The following DCLK1 variants were observed in gnomAD, a reference collection of about 807,000 sequenced individuals.
DCLK1 encodes the protein serine/threonine-protein kinase DCLK1.
Under a neutral mutation model 86.2 loss-of-function variants are expected in DCLK1, and 16 were observed. That is an observed-to-expected ratio of 0.19 (90% CI 0.13 to 0.28). The LOEUF is 0.28. Among genes scored for constraint, DCLK1 ranks in the 10% least tolerant of loss-of-function variants. DCLK1 has a pLI of 1.00. For missense variants in DCLK1, 590 were observed against 940.2 expected, an observed-to-expected ratio of 0.63 and a Z score of 4.87; for synonymous variants, 369 against 370.5, an observed-to-expected ratio of 1.00 and a Z score of 0.05.
At chr13:35,893,218 G>A (rs999077842) in intron 4 of DCLK1, among the ~76,000 whole-genome samples, 5 of 152,276 alleles carry the variant, frequency 3.3e-5, no homozygotes, top group African/African-American at 9.6e-5. Flanking sequence ...AGGTGAAGGG[G>A]CAAGCAGCTT....
In DCLK1 at chr13:36,107,335, A is replaced by ATTT. The variant is rs10670428; in HGVS notation, c.723+4531_723+4533dup. On this transcript the variant is annotated intron_variant, in intron 3 of 16. Coordinates refer to ENST00000360631, the MANE Select transcript of DCLK1 (RefSeq NM_001330071.2). ...CACTCTAGCATGCTAGCAGTGGTAG[A>ATTT]TTTTTTTTTTTTTTTTTTTTTTTTT... 3.4e-4 allele frequency among the ~76,000 whole-genome samples: 37 copies of ATTT among 110,306 alleles called. 2 individuals are homozygous for ATTT. The highest frequency in any genetic ancestry group is 1.1e-3 in the African/African-American group (29 of 27,372). The allele number at this position is 110,306 out of a possible 152,430, so 72.4% of individuals were successfully genotyped here. A position where few individuals can be genotyped will look rare whatever the true frequency, so the allele number is the denominator to read the frequency against.
intron 11 of DCLK1, among the ~76,000 whole-genome samples, chr13:35,815,248 T>C (rs986969773): frequency 1.3e-5 from 2 of 152,192 alleles, no homozygotes; most frequent in Non-Finnish European, 2.9e-5. Context: ...TGAGACCATT[T>C]GGAAAAATTA....
At chr13:36,084,929 T>C (rs1884541649) in intron 3 of DCLK1, among the ~76,000 whole-genome samples, 1 of 152,192 alleles carries the variant, frequency 6.6e-6, no homozygotes, top group Non-Finnish European at 1.5e-5. Flanking sequence ...AGATGAGACT[T>C]TGAAAACAAA....
chr13:36,099,976 C>G (rs2138158026), intron 3 of DCLK1, among the ~76,000 whole-genome samples: 1 of 152,000 alleles, frequency 6.6e-6, no homozygotes, highest in South Asian at 2.1e-4. Flanking sequence ...GTGTTTTTTT[C>G]TCAATACACA....
At chr13:35,818,671 A>G (rs1163702545) in intron 11 of DCLK1, among the ~76,000 whole-genome samples, 1 of 152,186 alleles carries the variant, frequency 6.6e-6, no homozygotes, top group Non-Finnish European at 1.5e-5. Context: ...ATCTGTGTAC[A>G]CATTTTTGAA....
At chr13:35,920,955 A>C (rs1875765944) in intron 4 of DCLK1, among the ~76,000 whole-genome samples, 2 of 151,876 alleles carry the variant, frequency 1.3e-5, no homozygotes, top group Non-Finnish European at 2.9e-5. Context: ...CATGTTTCCT[A>C]ATTCTGTCCA....
At position 35,971,362 on chromosome 13, in the gene DCLK1, A is replaced by G. The variant is rs192376817; in HGVS notation, c.724-23905T>C. 7.3e-4 allele frequency among the ~76,000 whole-genome samples: 111 copies of G among 152,308 alleles called. 2 individuals are homozygous for G. Among genetic ancestry groups the G allele is most frequent in the Admixed American group, 6.7e-3 (102 of 15,300 alleles). ...GAACAACACATGCATGCTAGTTCCC[A>G]TTTTAGGTTGAAGGACATGACACCG... On this transcript the variant is annotated intron_variant, in intron 3 of 16. Coordinates refer to ENST00000360631, the MANE Select transcript of DCLK1 (RefSeq NM_001330071.2).
chr13:36,023,899 TTC>T (rs1389889655), intron 3 of DCLK1, among the ~76,000 whole-genome samples: 37 of 16,744 alleles, frequency 2.2e-3, no homozygotes, highest in African/African-American at 6.8e-3. Flanking sequence ...CTTTCTTTCT[TTC>T]TTTTTTTTTT....
At chr13:35,914,338 TA>T in intron 4 of DCLK1, among the ~76,000 whole-genome samples, 1 of 26,148 alleles carries the variant, frequency 3.8e-5, no homozygotes, top group African/African-American at 1.2e-4. Context: ...AAAAAATATA[TA>T]TATATATATA....
At chr13:35,965,995 T>G (rs1473609314) in intron 3 of DCLK1, among the ~76,000 whole-genome samples, 1 of 152,012 alleles carries the variant, frequency 6.6e-6, no homozygotes, top group Non-Finnish European at 1.5e-5. Context: ...AAGCTCAAGG[T>G]AAAGAGACAA....
chr13:36,054,615 T>A (rs1883236222), intron 3 of DCLK1, among the ~76,000 whole-genome samples: 1 of 151,992 alleles, frequency 6.6e-6, no homozygotes, highest in African/African-American at 2.4e-5. Flanking sequence ...TAAAGTAAGA[T>A]AAAAGGACAG....
chr13:35,811,520 TA>T (rs2087143900), intron 11 of DCLK1, among the ~76,000 whole-genome samples: 1 of 152,114 alleles, frequency 6.6e-6, no homozygotes, highest in African/African-American at 2.4e-5. Flanking sequence ...TTTATGAAAA[TA>T]ATCTCTTTGT....
At chr13:35,966,036 A>T (rs916175292) in intron 3 of DCLK1, among the ~76,000 whole-genome samples, 14 of 152,236 alleles carry the variant, frequency 9.2e-5, no homozygotes, top group African/African-American at 3.4e-4. Context: ...AAGAAACATG[A>T]AAAAACTTTT....
In DCLK1 at chr13:35,793,328, T is replaced by C; in HGVS notation, c.2058+38A>G. The C allele has an allele frequency of 1.3e-6, 2 of 1,559,268 alleles. 1 individual carries two copies. The highest frequency in any genetic ancestry group is 2.4e-5 in the South Asian group (2 of 84,144). On this transcript the variant is annotated intron_variant, in intron 16 of 16. Coordinates refer to ENST00000360631, the MANE Select transcript of DCLK1 (RefSeq NM_001330071.2). ...AATGCCTGTCTCTTAGGTGGGTTGC[T>C]TTAAAAAAAGTTATAGGTGGATATT...
At chr13:35,875,993 T>C (rs1467648087) in intron 4 of DCLK1, among the ~76,000 whole-genome samples, 2 of 152,232 alleles carry the variant, frequency 1.3e-5, no homozygotes, top group Non-Finnish European at 2.9e-5. Flanking sequence ...AGCTGTTCCA[T>C]GGTGACGAAA....
intron 3 of DCLK1, among the ~76,000 whole-genome samples, chr13:36,007,596 G>A (rs9575098): frequency 0.23 from 35,317 of 152,086 alleles, 4,723 homozygotes; most frequent in Non-Finnish European, 0.3. Flanking sequence ...TACACTAAGG[G>A]AACCGGAAGA....
chr13:36,128,049 C>T (rs1886250143), intron 1 of DCLK1, among the ~76,000 whole-genome samples: 1 of 152,210 alleles, frequency 6.6e-6, no homozygotes, highest in Non-Finnish European at 1.5e-5. Context: ...TCAGTGAACA[C>T]TCACCAATGC....
intron 3 of DCLK1, among the ~76,000 whole-genome samples, chr13:35,973,278 A>C (rs1332627085): frequency 2.0e-5 from 3 of 152,202 alleles, no homozygotes; most frequent in Non-Finnish European, 4.4e-5. Context: ...GGAGGAAAGA[A>C]AATACCACCC....
chr13:35,849,453 A>G, intron 6 of DCLK1: 3 of 985,360 alleles, frequency 3.0e-6, no homozygotes, highest in Non-Finnish European at 3.6e-6. Flanking sequence ...TATCAAAACC[A>G]TGCTTCACAA....
Sources: allele counts gnomAD v4.1 joint callset (sites outside exome capture counted in the v4.1 genomes callset), GRCh38; gene constraint gnomAD v4.1.1; transcripts MANE v1.5; gene names NCBI Gene and HGNC (gene_info 2026-07-23, HGNC 2026-07-21).